SAMD5: variants seen among roughly 807,000 people sequenced by gnomAD.
The protein encoded by SAMD5 is sterile alpha motif domain-containing protein 5.
In SAMD5, 13 loss-of-function variants were observed where a neutral mutation model predicts 11.3. The observed-to-expected ratio is 1.15, with a 90% CI of 0.75 to 1.83. The LOEUF (loss-of-function observed/expected upper bound fraction) is 1.83, where lower values mean the gene tolerates loss of function less well. Among genes scored for constraint, SAMD5 ranks in the 40% most tolerant of loss-of-function variants. The pLI, the probability that SAMD5 is intolerant of heterozygous loss-of-function variation, is 0.00. For missense variants in SAMD5, 255 were observed against 239.1 expected (o/e 1.07, Z -0.44); for synonymous variants, 129 against 111.3 (o/e 1.16, Z -1.00).
chr6:147,912,537 A>G, the SAMD5 span, among the ~76,000 whole-genome samples: 1 of 152,230 alleles, frequency 6.6e-6, no homozygotes, highest in Non-Finnish European at 1.5e-5. Flanking sequence ...CTATCTAGGC[A>G]TTATCCTTCA....
chr6:147,637,862 T>G (rs766902890), intron 1 of SAMD5, among the ~76,000 whole-genome samples: 6,066 of 77,530 alleles, frequency 0.078, 210 homozygotes, highest in African/African-American at 0.25. Flanking sequence ...CAAGTTCGGT[T>G]TTTTTTTTTT....
intron 1 of SAMD5, among the ~76,000 whole-genome samples, chr6:147,622,016 G>T (rs572386040): frequency 6.0e-5 from 9 of 151,094 alleles, no homozygotes; most frequent in African/African-American, 2.2e-4. Flanking sequence ...GCCAGTAGAT[G>T]AAGAGAGAAG....
At chr6:147,909,620 CTTTCTTTCTTTCTCTTTCTTG>C in the SAMD5 span, among the ~76,000 whole-genome samples, 3 of 67,366 alleles carry the variant, frequency 4.5e-5, no homozygotes, top group African/African-American at 2.7e-4. Flanking sequence ...TTCTTTCTTT[CTTTCTTTCTTTCTCTTTCTTG>C]TCTTTTGTAC....
At chr6:147,834,966 C>A in the SAMD5 span, among the ~76,000 whole-genome samples, 36 of 152,206 alleles carry the variant, frequency 2.4e-4, 1 homozygote, top group East Asian at 6.8e-3. Context: ...TGGTGGCTCA[C>A]GCCTGTAATC....
the SAMD5 span, among the ~76,000 whole-genome samples, chr6:147,790,478 G>T: frequency 6.6e-6 from 1 of 152,188 alleles, no homozygotes; most frequent in Non-Finnish European, 1.5e-5. Context: ...TCTTTATTTG[G>T]AAATTAAGTG....
chr6:147,641,329 G>T (rs1336996439), intron 1 of SAMD5, among the ~76,000 whole-genome samples: 2 of 152,138 alleles, frequency 1.3e-5, no homozygotes, highest in East Asian at 3.9e-4. Flanking sequence ...ACTTGCTGGG[G>T]AGCTCAATTT....
chr6:147,622,372 T>C (rs369610899), intron 1 of SAMD5, among the ~76,000 whole-genome samples: 5 of 152,248 alleles, frequency 3.3e-5, no homozygotes, highest in South Asian at 2.1e-4. Context: ...TTGTGGTTTT[T>C]TGAAAAAATA....
chr6:147,840,571 A>G, the SAMD5 span, among the ~76,000 whole-genome samples: 2,146 of 152,348 alleles, frequency 0.014, 47 homozygotes, highest in African/African-American at 0.048. Flanking sequence ...TAACCTGGAA[A>G]ACATTTATAA....
At chr6:147,609,851 C>T (rs934332953) in intron 1 of SAMD5, among the ~76,000 whole-genome samples, 1 of 152,044 alleles carries the variant, frequency 6.6e-6, no homozygotes, top group African/African-American at 2.4e-5. Flanking sequence ...CCACCACGCC[C>T]GGCCAGAGAG....
At chr6:147,889,148 A>T in the SAMD5 span, among the ~76,000 whole-genome samples, 2 of 152,062 alleles carry the variant, frequency 1.3e-5, no homozygotes, top group African/African-American at 4.8e-5. Flanking sequence ...TCCTTAGCTC[A>T]TGGATGTTGT....
intron 1 of SAMD5, among the ~76,000 whole-genome samples, chr6:147,725,816 A>C (rs1791617992): frequency 6.6e-6 from 1 of 152,230 alleles, no homozygotes; most frequent in African/African-American, 2.4e-5. Context: ...TTACTATTTT[A>C]GGAAGAGAAA....
intron 1 of SAMD5, among the ~76,000 whole-genome samples, chr6:147,541,561 G>C (rs1174753520): frequency 1.3e-5 from 2 of 152,138 alleles, no homozygotes; most frequent in Admixed American, 1.3e-4. Context: ...TAGTTACCCA[G>C]AGAGACAGGC....
chr6:147,673,361 C>T (rs1790821607), intron 1 of SAMD5, among the ~76,000 whole-genome samples: 2 of 152,010 alleles, frequency 1.3e-5, no homozygotes, highest in South Asian at 4.2e-4. Context: ...CTACAGGTGC[C>T]TGCCACCACG....
chr6:147,718,790 A>G (rs754352148), intron 1 of SAMD5, among the ~76,000 whole-genome samples: 12 of 152,158 alleles, frequency 7.9e-5, no homozygotes, highest in Admixed American at 6.5e-4. Flanking sequence ...TCCCAGGTTC[A>G]AGTGATTCTC....
intron 1 of SAMD5, among the ~76,000 whole-genome samples, chr6:147,629,006 C>A (rs2018084): frequency 0.48 from 72,255 of 151,886 alleles, 17,653 homozygotes; most frequent in Middle Eastern, 0.57. Flanking sequence ...ATTTCTGAAC[C>A]TAGGCTGGGC....
At chr6:147,819,935 CGAG>C in the SAMD5 span, among the ~76,000 whole-genome samples, 1 of 152,044 alleles carries the variant, frequency 6.6e-6, no homozygotes, top group Non-Finnish European at 1.5e-5. Flanking sequence ...TCTTGGCACA[CGAG>C]GAGGAGAGAA....
the SAMD5 span, among the ~76,000 whole-genome samples, chr6:147,832,098 G>A: frequency 6.6e-6 from 1 of 151,928 alleles, no homozygotes; most frequent in Non-Finnish European, 1.5e-5. Flanking sequence ...ATTCAGTCAC[G>A]AAAAAGGGAA....
the SAMD5 span, among the ~76,000 whole-genome samples, chr6:147,925,038 A>G: frequency 2.0e-5 from 3 of 152,204 alleles, no homozygotes; most frequent in East Asian, 5.8e-4. Flanking sequence ...TTGATTAAAT[A>G]CCACTTGGCA....
the SAMD5 span, among the ~76,000 whole-genome samples, chr6:147,907,828 T>A: frequency 1.3e-5 from 2 of 152,236 alleles, no homozygotes; most frequent in Non-Finnish European, 2.9e-5. Flanking sequence ...TGTGCTATTA[T>A]TCTCTGTAAT....
Sources: gnomAD v4.1 joint callset for allele counts (sites outside exome capture counted in the v4.1 genomes callset) on GRCh38, gnomAD v4.1.1 for gene constraint, MANE v1.5 for transcripts, NCBI Gene and HGNC (gene_info 2026-07-23, HGNC 2026-07-21) for gene names.